The following OTUB2 variants were observed in gnomAD, a reference collection of about 807,000 sequenced individuals.
OTUB2 encodes OTU deubiquitinase, ubiquitin aldehyde binding 2.
In OTUB2, 21 loss-of-function variants were observed where a neutral mutation model predicts 25.1. That is an observed-to-expected ratio of 0.84 (90% confidence interval 0.59 to 1.21). The LOEUF is 1.21. OTUB2 is among the 50% of genes most tolerant of loss of function. The pLI is 0.00. For synonymous variants in OTUB2, 122 were observed against 122.8 expected (o/e 0.99, Z 0.04); for missense variants, 283 against 298.0 (o/e 0.95, Z 0.37).
intron 1 of OTUB2, among the ~76,000 whole-genome samples, chr14:94,030,577 G>T (rs548344524): frequency 3.1e-5 from 4 of 127,890 alleles, no homozygotes; most frequent in Non-Finnish European, 3.5e-5. Context: ...TAACTGACCC[G>T]GGGGGGAAGC....
At chr14:94,033,055 G>A (rs775733558) in intron 1 of OTUB2, among the ~76,000 whole-genome samples, 2 of 152,152 alleles carry the variant, frequency 1.3e-5, no homozygotes, top group Admixed American at 6.5e-5. Context: ...GGGACTACAG[G>A]TGCCCACCAC....
At chr14:94,029,230 G>C (rs1174710002) in intron 1 of OTUB2, among the ~76,000 whole-genome samples, 2 of 152,210 alleles carry the variant, frequency 1.3e-5, no homozygotes, top group African/African-American at 4.8e-5. Flanking sequence ...CCAGGCTGGA[G>C]TCAGAGCCTG....
At chr14:94,026,573 C>T (rs1217827523) in intron 1 of OTUB2, 33 bp downstream of exon 1, 2 of 524,408 alleles carry the variant, frequency 3.8e-6, no homozygotes, top group East Asian at 8.6e-5. Context: ...GAAGGGGGAG[C>T]GGGCAGGGGG....
chr14:94,044,040 A>G lies in OTUB2; in HGVS notation c.288A>G (p.Arg96=), dbSNP rs749058908. The change falls in exon 4 of 6, where the codon AGA becomes AGG. Residue 96 remains arginine (R), a synonymous_variant. Transcript: ENST00000203664. ...LAAGFEEHKF[R]NFFNAFYSVV... is the part of the protein sequence containing the mutation. ...CTGGCTTTGAGGAGCACAAGTTCAG[A>G]AACTTCTTCAATGCTGTGAGTTCAC... is the stretch of plus-strand genomic sequence containing the variant. 2 of 1,614,176 alleles carry G rather than the reference A, an allele frequency of 1.2e-6. No individual in the cohort carries two copies. The highest frequency in any genetic ancestry group is 3.3e-5 in the Admixed American group (2 of 60,026).
intron 5 of OTUB2, 126 bp downstream of exon 5, chr14:94,044,906 C>G: frequency 9.8e-6 from 10 of 1,025,516 alleles, no homozygotes; most frequent in Non-Finnish European, 1.4e-5. Flanking sequence ...TCAAACAGAG[C>G]TAGGTCAGCA....
At chr14:94,038,238 G>A (rs571618583) in intron 2 of OTUB2, among the ~76,000 whole-genome samples, 17 of 152,342 alleles carry the variant, frequency 1.1e-4, no homozygotes, top group Admixed American at 2.0e-4. Context: ...TGATCCGAAC[G>A]CCGCTGCGGG....
At chr14:94,036,456 G>A (rs1264856931) in intron 1 of OTUB2, among the ~76,000 whole-genome samples, 1 of 152,098 alleles carries the variant, frequency 6.6e-6, no homozygotes, top group African/African-American at 2.4e-5. Flanking sequence ...TGTTCATGCT[G>A]CAATCAAAGC....
At chr14:94,037,112 A>G (rs1885069240) in intron 1 of OTUB2, among the ~76,000 whole-genome samples, 1 of 152,230 alleles carries the variant, frequency 6.6e-6, no homozygotes, top group Non-Finnish European at 1.5e-5. Context: ...ACATTCTGTG[A>G]AATGAATCAG....
intron 1 of OTUB2, among the ~76,000 whole-genome samples, chr14:94,028,897 G>C (rs552700442): frequency 1.3e-5 from 2 of 152,336 alleles, no homozygotes; most frequent in East Asian, 3.9e-4. Context: ...GAGTGTTCAA[G>C]AAGGATTTGG....
In OTUB2 at chr14:94,037,362, T is replaced by G; in HGVS notation, c.4-18T>G. 1 of 1,541,340 alleles carries G rather than the reference T, an allele frequency of 6.5e-7. No individual in the cohort carries two copies. Among genetic ancestry groups the G allele is most frequent in the Non-Finnish European group, 9.0e-7 (1 of 1,116,674 alleles). ...CTTTTGAAATTGTCACAGCATTTCT[T>G]CCTTCCCTATCTTTCAGAGTGAAAC... On this transcript the variant is annotated intron_variant, in intron 1 of 5. Transcript: ENST00000203664.
At position 94,043,972 on chromosome 14, in the gene OTUB2, T is replaced by A. The variant is rs756693124; in HGVS notation, c.220T>A (p.Phe74Ile). 2 of 1,614,026 alleles carry A rather than the reference T, an allele frequency of 1.2e-6. No homozygotes were observed. Among genetic ancestry groups the A allele is most frequent in the Non-Finnish European group, 1.7e-6 (2 of 1,179,880 alleles). ...LLGKSREIFK[F>I]KERVLQTPND... ...ACACTCAGTCTTCCCCCTCTGTAGG[T>A]TCAAAGAACGCGTACTGCAGACCCC... The change falls in exon 4 of 6, where the codon TTC becomes ATC. Residue 74 changes from phenylalanine (F) to isoleucine (I), a missense_variant and splice_region_variant. Coordinates refer to ENST00000203664, the MANE Select transcript of OTUB2 (RefSeq NM_023112.4).
chr14:94,039,212 G>T, intron 3 of OTUB2, 131 bp downstream of exon 3: 1 of 731,820 alleles, frequency 1.4e-6, no homozygotes, highest in African/African-American at 1.8e-5. Context: ...GCCTGGCAGA[G>T]GCGTTTGATG....
rs999339920 is a variant in OTUB2, at chr14:94,030,986, G to A, written c.3+4446G>A. Among the ~76,000 whole-genome samples the A allele has an allele frequency of 3.3e-5, 5 of 152,264 alleles. No homozygotes were observed. In the South Asian group the frequency reaches 8.3e-4, roughly 25 times the overall value. On this transcript the variant is annotated intron_variant, in intron 1 of 5. Coordinates refer to ENST00000203664, the MANE Select transcript of OTUB2 (RefSeq NM_023112.4). The stretch of plus-strand genomic sequence containing the variant: ...TTGTGGCCTCCAGCACTGTCAGATC[G>A]CACATTTGTGTTGTTTTGAGACACT...
intron 1 of OTUB2, among the ~76,000 whole-genome samples, chr14:94,034,040 G>C (rs969022238): frequency 6.6e-6 from 1 of 152,208 alleles, no homozygotes; most frequent in Non-Finnish European, 1.5e-5. Flanking sequence ...TAAGCTGTAA[G>C]TCAGAGGCCT....
chr14:94,031,150 C>G (rs1356671740), intron 1 of OTUB2, among the ~76,000 whole-genome samples: 2 of 151,980 alleles, frequency 1.3e-5, no homozygotes, highest in African/African-American at 4.8e-5. Context: ...TACCTGTAAT[C>G]CCAGCATTTT....
chr14:94,036,896 G>A (rs954581189), intron 1 of OTUB2, among the ~76,000 whole-genome samples: 1 of 152,184 alleles, frequency 6.6e-6, no homozygotes, highest in Admixed American at 6.5e-5. Context: ...TGTAGACTGT[G>A]AGCCTTGTGG....
At chr14:94,044,801 C>A (rs558481068) in intron 5 of OTUB2, 21 bp downstream of exon 5, 2 of 1,597,756 alleles carry the variant, frequency 1.3e-6, no homozygotes, top group South Asian at 2.2e-5. Context: ...GGGGTCTCAG[C>A]CCCAGCCCTG....
Position 94,039,043 on chromosome 14 carries a change from C to T in OTUB2, c.180C>T (p.Tyr60=). Residue 60 remains tyrosine (Y), a synonymous_variant, in exon 3 of 6, where the codon TAC becomes TAT. Transcript: ENST00000203664. ...TCTACAGGGCCTTGGGCTATTCCTA[C>T]CTGGAGTCCCTGCTGGGGAAGAGCA... ...NCFYRALGYS[Y]LESLLGKSRE... 2.5e-6 allele frequency: 4 copies of T among 1,614,174 alleles called. No homozygotes were observed. The highest frequency in any genetic ancestry group is 3.4e-6 in the Non-Finnish European group (4 of 1,180,028).
intron 5 of OTUB2, among the ~76,000 whole-genome samples, chr14:94,045,305 C>T (rs1472393357): frequency 6.6e-6 from 1 of 152,098 alleles, no homozygotes; most frequent in Non-Finnish European, 1.5e-5. Context: ...CGGACTCGCA[C>T]CCTCACTCAC....
Sources: gnomAD v4.1 joint callset for allele counts (sites outside exome capture counted in the v4.1 genomes callset) on GRCh38, gnomAD v4.1.1 for gene constraint, MANE v1.5 for transcripts, NCBI Gene and HGNC (gene_info 2026-07-23, HGNC 2026-07-21) for gene names.